STXBP5L: variants seen among roughly 807,000 people sequenced by gnomAD.
STXBP5L encodes the protein syntaxin binding protein 5L, also known as syntaxin-binding protein 5-like.
STXBP5L carries 65 observed loss-of-function variants against 144.5 expected under a neutral mutation model. The ratio of observed to expected loss-of-function variants is 0.45; its 90% CI spans 0.37 to 0.55. The LOEUF (loss-of-function observed/expected upper bound fraction) is 0.55, where lower values mean the gene tolerates loss of function less well. Among genes scored for constraint, STXBP5L ranks in the 20% least tolerant of loss-of-function variants. The pLI is 0.00. For synonymous variants in STXBP5L, 505 were observed against 469.6 expected (o/e 1.08, Z -0.97); for missense variants, 1,298 against 1,405.5 (o/e 0.92, Z 1.22).
At chr3:121,399,818 G>T (rs558532204) in intron 22 of STXBP5L, among the ~76,000 whole-genome samples, 1 of 152,194 alleles carries the variant, frequency 6.6e-6, no homozygotes, top group Non-Finnish European at 1.5e-5. Context: ...CAGAGATTTT[G>T]TTTATGGCTA....
intron 3 of STXBP5L, among the ~76,000 whole-genome samples, chr3:120,979,901 G>T (rs945199212): frequency 1.3e-5 from 2 of 152,080 alleles, no homozygotes; most frequent in African/African-American, 2.4e-5. Flanking sequence ...GCTGTATCCT[G>T]TATGTTTTAG....
intron 20 of STXBP5L, among the ~76,000 whole-genome samples, chr3:121,377,280 A>C (rs2046211272): frequency 6.6e-6 from 1 of 152,170 alleles, no homozygotes; most frequent in Admixed American, 6.5e-5. Context: ...GCATGGACAA[A>C]GATTTCGTGA....
chr3:121,214,775 CATT>C (rs2048711519), intron 10 of STXBP5L, among the ~76,000 whole-genome samples: 1 of 152,088 alleles, frequency 6.6e-6, no homozygotes, highest in South Asian at 2.1e-4. Flanking sequence ...TTTTTTGTCT[CATT>C]GACCTGTCTA....
intron 3 of STXBP5L, among the ~76,000 whole-genome samples, chr3:120,978,371 C>G (rs1941337399): frequency 6.6e-6 from 1 of 152,230 alleles, no homozygotes; most frequent in Non-Finnish European, 1.5e-5. Context: ...TCACGTAGTT[C>G]TCAAGCCTTG....
chr3:120,978,966 C>A (rs1044626858), intron 3 of STXBP5L, among the ~76,000 whole-genome samples: 4 of 152,176 alleles, frequency 2.6e-5, no homozygotes, highest in African/African-American at 9.7e-5. Flanking sequence ...TGGGGGGTGC[C>A]TCCCAGTTAT....
In STXBP5L at chr3:121,246,293, C is replaced by T. The variant is rs148887805; in HGVS notation, c.1401-4430C>T. ...GATCTGAGGTGGAACAGTTTCATCC[C>T]GAATCCATCTCTCACCACCCGCATC... On this transcript the variant is annotated intron_variant, in intron 14 of 26. Coordinates refer to ENST00000471454, the MANE Select transcript of STXBP5L (RefSeq NM_001308330.2). Among the ~76,000 whole-genome samples, 7 of 152,254 alleles carry T rather than the reference C, an allele frequency of 4.6e-5. No individual in the cohort carries two copies. In the South Asian group the frequency reaches 8.3e-4, roughly 18 times the overall value.
chr3:120,967,018 C>T (rs1939662083), intron 3 of STXBP5L, among the ~76,000 whole-genome samples: 1 of 152,104 alleles, frequency 6.6e-6, no homozygotes, highest in African/African-American at 2.4e-5. Context: ...GACGCCCTTC[C>T]CCTAGCCAGG....
chr3:121,055,502 A>G (rs1267714472), intron 5 of STXBP5L, among the ~76,000 whole-genome samples: 1 of 151,936 alleles, frequency 6.6e-6, no homozygotes, highest in African/African-American at 2.4e-5. Flanking sequence ...CATTATTATT[A>G]TTACTATTAT....
At chr3:121,195,091 T>A (rs933607661) in intron 9 of STXBP5L, among the ~76,000 whole-genome samples, 1 of 151,448 alleles carries the variant, frequency 6.6e-6, no homozygotes, top group Non-Finnish European at 1.5e-5. Flanking sequence ...AATTTTTGTA[T>A]TTTTTTTAAT....
intron 22 of STXBP5L, among the ~76,000 whole-genome samples, chr3:121,397,199 G>A (rs2046752686): frequency 6.6e-6 from 1 of 152,190 alleles, no homozygotes; most frequent in Non-Finnish European, 1.5e-5. Flanking sequence ...TCAGCTAAGG[G>A]GATAGTAAAG....
At position 121,344,624 on chromosome 3, in the gene STXBP5L, A is replaced by G. The variant is rs1434317859; in HGVS notation, c.2176+26084A>G. Among the ~76,000 whole-genome samples the G allele has an allele frequency of 2.0e-5, 3 of 152,076 alleles. No individual in the cohort carries two copies. In the East Asian group the frequency reaches 5.8e-4, roughly 29 times the overall value. Reference sequence around the variant, plus strand: ...GTGAAGTTAAAATCCACGACAATACAAATACAATAGTGTAATTTTAAAAAT... The same window carrying G: ...GTGAAGTTAAAATCCACGACAATACGAATACAATAGTGTAATTTTAAAAAT... On this transcript the variant is annotated intron_variant, in intron 20 of 26. Transcript: ENST00000471454.
At chr3:121,371,218 G>C (rs1576306239) in intron 20 of STXBP5L, among the ~76,000 whole-genome samples, 1 of 152,316 alleles carries the variant, frequency 6.6e-6, no homozygotes, top group East Asian at 1.9e-4. Flanking sequence ...TTGGGGGTTT[G>C]ATTGTGGTAT....
intron 5 of STXBP5L, among the ~76,000 whole-genome samples, chr3:121,081,469 G>A (rs532633826): frequency 2.0e-5 from 3 of 152,128 alleles, no homozygotes; most frequent in African/African-American, 7.2e-5. Context: ...CTCTGTATGA[G>A]TTACTTAGTT....
At position 121,190,795 on chromosome 3, in the gene STXBP5L, T is replaced by C. The variant is rs375866784; in HGVS notation, c.878-15128T>C. ...CTCAATTCCCAGATGGGGCGGCTGCTGGGCGGAGGGGCTCCTCACTTCTCA... is the reference window on the plus strand; with the variant it reads ...CTCAATTCCCAGATGGGGCGGCTGCCGGGCGGAGGGGCTCCTCACTTCTCA... On this transcript the variant is annotated intron_variant, in intron 9 of 26. Transcript: ENST00000471454. 1.0e-4 allele frequency among the ~76,000 whole-genome samples: 10 copies of C among 97,140 alleles called. No individual in the cohort carries two copies. The East Asian group carries it at 2.3e-3, about 22-fold the overall frequency. The allele number at this position is 97,140 out of a possible 152,430, so 63.7% of individuals were successfully genotyped here. A position where few individuals can be genotyped will look rare whatever the true frequency, so the allele number is the denominator to read the frequency against.
At chr3:121,303,637 AT>A (rs1401936872) in intron 19 of STXBP5L, among the ~76,000 whole-genome samples, 4 of 152,352 alleles carry the variant, frequency 2.6e-5, no homozygotes, top group Admixed American at 2.0e-4. Flanking sequence ...CCAAATGTCC[AT>A]CAATAATAGA....
chr3:121,381,838 T>C (rs2046331655), intron 22 of STXBP5L, among the ~76,000 whole-genome samples: 1 of 152,128 alleles, frequency 6.6e-6, no homozygotes, highest in Non-Finnish European at 1.5e-5. Flanking sequence ...TTAAATTTAT[T>C]TTTAACAAAT....
chr3:121,363,484 G>A (rs903187424), intron 20 of STXBP5L, among the ~76,000 whole-genome samples: 2 of 152,108 alleles, frequency 1.3e-5, no homozygotes, highest in Non-Finnish European at 2.9e-5. Context: ...CTCTCTCTGT[G>A]GATGGACATC....
At chr3:120,927,213 G>GTTTTTT (rs1709686310) in intron 2 of STXBP5L, among the ~76,000 whole-genome samples, 5 of 152,264 alleles carry the variant, frequency 3.3e-5, no homozygotes, top group African/African-American at 1.2e-4. Context: ...GGGATTACAG[G>GTTTTTT]TGTGAGCCAC....
intron 10 of STXBP5L, among the ~76,000 whole-genome samples, chr3:121,214,116 G>A (rs1272628094): frequency 6.6e-6 from 1 of 151,952 alleles, no homozygotes; most frequent in Non-Finnish European, 1.5e-5. Context: ...TATTAGGCTG[G>A]CTAGTTGTCT....
Sources: gnomAD v4.1 joint callset for allele counts (sites outside exome capture counted in the v4.1 genomes callset) on GRCh38, gnomAD v4.1.1 for gene constraint, MANE v1.5 for transcripts, NCBI Gene and HGNC (gene_info 2026-07-23, HGNC 2026-07-21) for gene names.